The following PCDHAC2 variants were observed in gnomAD, a reference collection of about 807,000 sequenced individuals.
PCDHAC2 encodes protocadherin alpha-C2.
In PCDHAC2, 24 loss-of-function variants were observed where a neutral mutation model predicts 63.3. That is an observed-to-expected ratio of 0.38 (90% CI 0.27 to 0.53). The LOEUF (loss-of-function observed/expected upper bound fraction) is 0.53, where lower values mean the gene tolerates loss of function less well. Among genes scored for constraint, PCDHAC2 ranks in the 20% least tolerant of loss-of-function variants. PCDHAC2 has a pLI of 0.81. For synonymous variants in PCDHAC2, 569 were observed against 529.4 expected (o/e 1.07, Z -1.03); for missense variants, 1,181 against 1,275.2 (o/e 0.93, Z 1.12).
intron 3 of PCDHAC2, among the ~76,000 whole-genome samples, chr5:140,995,258 A>C (rs2097672609): frequency 6.6e-6 from 1 of 152,164 alleles, no homozygotes; most frequent in Non-Finnish European, 1.5e-5. Flanking sequence ...AGGGTACTTG[A>C]ATACAAGCCC....
At chr5:141,000,410 TA>T (rs2097918693) in intron 3 of PCDHAC2, among the ~76,000 whole-genome samples, 2 of 101,940 alleles carry the variant, frequency 2.0e-5, no homozygotes, top group African/African-American at 7.8e-5. Flanking sequence ...TATATATATA[TA>T]TATATATATA....
intron 3 of PCDHAC2, among the ~76,000 whole-genome samples, chr5:140,993,307 A>G (rs1388803376): frequency 6.6e-6 from 1 of 152,056 alleles, no homozygotes; most frequent in Non-Finnish European, 1.5e-5. Flanking sequence ...TGCCTCCAGG[A>G]TAATACCTTC....
At chr5:140,971,510 A>G (rs1166115283) in intron 1 of PCDHAC2, among the ~76,000 whole-genome samples, 3 of 152,152 alleles carry the variant, frequency 2.0e-5, no homozygotes, top group Non-Finnish European at 2.9e-5. Flanking sequence ...TAGGAGCAAA[A>G]GCCACTCAGT....
rs1554228519 is a variant in PCDHAC2 at position 140,966,644 on chromosome 5, GCGTGAGCGGT to G, written c.-122_-113del. 37 of 1,127,012 alleles carry G rather than the reference GCGTGAGCGGT, an allele frequency of 3.3e-5. No homozygotes were observed. The highest frequency in any genetic ancestry group is 4.3e-5 in the Non-Finnish European group (37 of 853,958). 69.8% of individuals were successfully genotyped at this position (1,127,012 alleles called of 1,614,324 possible). A position where few individuals can be genotyped will look rare whatever the true frequency, so the allele number is the denominator to read the frequency against. Reference sequence around the variant, plus strand: ...GGAGCGGCCCCAGGCGCTTTCTAGAGCGTGAGCGGTGGGGGAGCAGGCGCAGGGTGGCACG... The same window carrying G: ...GGAGCGGCCCCAGGCGCTTTCTAGAGGGGGGAGCAGGCGCAGGGTGGCACG... On this transcript the variant is annotated 5_prime_UTR_variant, in exon 1 of 4. Transcript: ENST00000289269.
chr5:141,004,369 C>A (rs1239142670), intron 3 of PCDHAC2, among the ~76,000 whole-genome samples: 1 of 152,206 alleles, frequency 6.6e-6, no homozygotes, highest in Non-Finnish European at 1.5e-5. Flanking sequence ...ACACCTTGTT[C>A]TGCTCTGCGG....
At chr5:140,999,263 A>G (rs566864160) in intron 3 of PCDHAC2, among the ~76,000 whole-genome samples, 3 of 152,346 alleles carry the variant, frequency 2.0e-5, no homozygotes, top group East Asian at 1.9e-4. Context: ...TAGTAAAGGA[A>G]TACTGCATAG....
At position 141,000,188 on chromosome 5, in the gene PCDHAC2, A is replaced by G. The variant is rs182049578; in HGVS notation, c.2714-9439A>G. 8.6e-3 allele frequency among the ~76,000 whole-genome samples: 1,302 copies of G among 151,928 alleles called. 5 individuals carry two copies. Among genetic ancestry groups the G allele is most frequent in the Middle Eastern group, 0.017 (5 of 294 alleles). ...ATTATTGAGCCAAGGAGTCAATGTG[A>G]GAATAGTTTTTCACCTTCATTATCA... is the stretch of plus-strand genomic sequence containing the variant. On this transcript the variant is annotated intron_variant, in intron 3 of 3. Coordinates refer to ENST00000289269, the MANE Select transcript of PCDHAC2 (RefSeq NM_018899.6).
chr5:140,985,941 G>T (rs553776294), intron 3 of PCDHAC2, among the ~76,000 whole-genome samples: 2 of 151,978 alleles, frequency 1.3e-5, no homozygotes, highest in South Asian at 4.1e-4. Flanking sequence ...GGGTTTCACT[G>T]TGTTAGCCAG....
Position 140,967,773 on chromosome 5 carries a change from A to C in PCDHAC2, c.1007A>C (p.Gln336Pro), listed in dbSNP as rs1285230643. 3 of 1,614,108 alleles carry C rather than the reference A, an allele frequency of 1.9e-6. No homozygotes were observed. Among genetic ancestry groups the C allele is most frequent in the Non-Finnish European group, 1.7e-6 (2 of 1,180,054 alleles). Residue 336 changes from glutamine (Q) to proline (P), a missense_variant, in exon 1 of 4, where the codon CAG (glutamine) becomes CCG (proline). Around this residue, in one of 3 missense-constraint regions of PCDHAC2, gnomAD observed 968 missense variants for 1,073.5 expected, o/e 0.90. Coordinates refer to ENST00000289269, the MANE Select transcript of PCDHAC2 (RefSeq NM_018899.6). ...GCCTCCTCCTACCAGATCTATGTGC[A>C]GGCGACTGACCGGGGTCCAGTGCCC... ...EEASSYQIYV[Q>P]ATDRGPVPMA...
chr5:140,978,685 CA>C (rs1426574040), intron 1 of PCDHAC2, among the ~76,000 whole-genome samples: 2 of 152,242 alleles, frequency 1.3e-5, no homozygotes, highest in African/African-American at 2.4e-5. Context: ...ATGTATTGGG[CA>C]AGGCAAAGCC....
intron 3 of PCDHAC2, among the ~76,000 whole-genome samples, chr5:140,985,239 A>C (rs2097143502): frequency 6.6e-6 from 1 of 152,008 alleles, no homozygotes; most frequent in South Asian, 2.1e-4. Flanking sequence ...GCCTGGCCTA[A>C]TCTTCTTACT....
In PCDHAC2 at chr5:141,010,171, A is replaced by G. The variant is rs2098416277; in HGVS notation, c.*234A>G. On this transcript the variant is annotated 3_prime_UTR_variant, in exon 4 of 4. Transcript: ENST00000289269. ...CCACTCTGGCTTGTTTTCAGAACCTAAAAAGCAGACCCAAGTTTCCTTTCT... is the reference window on the plus strand; with the variant it reads ...CCACTCTGGCTTGTTTTCAGAACCTGAAAAGCAGACCCAAGTTTCCTTTCT... The G allele has an allele frequency of 3.2e-6, 5 of 1,559,030 alleles. No individual in the cohort carries two copies. Among genetic ancestry groups the G allele is most frequent in the Non-Finnish European group, 4.3e-6 (5 of 1,150,704 alleles).
At chr5:140,984,453 T>C (rs2097104309) in intron 3 of PCDHAC2, among the ~76,000 whole-genome samples, 1 of 152,254 alleles carries the variant, frequency 6.6e-6, no homozygotes, top group South Asian at 2.1e-4. Flanking sequence ...CCTTTCTTAC[T>C]GTCCCAGCCC....
At position 141,010,067 on chromosome 5, in the gene PCDHAC2, G is replaced by C; in HGVS notation, c.*130G>C. 6.2e-7 allele frequency: 1 copy of C among 1,604,516 alleles called. No homozygotes were observed. The highest frequency in any genetic ancestry group is 1.1e-5 in the South Asian group (1 of 89,502). ...TAGAGACCTCAGAAATCTGCAGAAA[G>C]TTCCCTGTGTCTGTCTAGAACGCAT... On this transcript the variant is annotated 3_prime_UTR_variant, in exon 4 of 4. Coordinates refer to ENST00000289269, the MANE Select transcript of PCDHAC2 (RefSeq NM_018899.6).
chr5:140,988,817 C>T (rs1244038207), intron 3 of PCDHAC2: 8 of 152,028 alleles, frequency 5.3e-5, no homozygotes, highest in Admixed American at 1.3e-4. Context: ...TAACAGTAGC[C>T]CCAAACAGAG....
intron 2 of PCDHAC2, among the ~76,000 whole-genome samples, chr5:140,980,255 C>T (rs782489996): frequency 2.0e-4 from 31 of 152,210 alleles, no homozygotes; most frequent in Middle Eastern, 3.2e-3. Flanking sequence ...TGGGTAAAAG[C>T]ATGGTTTACA....
At chr5:140,998,056 C>T (rs1162882949) in intron 3 of PCDHAC2, among the ~76,000 whole-genome samples, 1 of 152,160 alleles carries the variant, frequency 6.6e-6, no homozygotes, top group Non-Finnish European at 1.5e-5. Context: ...GTGACATCAT[C>T]ATCAACAGAC....
At chr5:140,981,683 T>A (rs1484532280) in intron 2 of PCDHAC2, among the ~76,000 whole-genome samples, 5 of 152,034 alleles carry the variant, frequency 3.3e-5, no homozygotes, top group Non-Finnish European at 5.9e-5. Flanking sequence ...CCTTCCTCCC[T>A]TCCATCATTC....
chr5:141,010,321 G>C lies in PCDHAC2; in HGVS notation c.*384G>C. On this transcript the variant is annotated 3_prime_UTR_variant, in exon 4 of 4. Transcript: ENST00000289269. Reference sequence around the variant, plus strand: ...GGCTGAAAAGTTTTGAGATTGAGCAGCTTGGGAGTTTGTGGCCACTGGGTA... The same window carrying C: ...GGCTGAAAAGTTTTGAGATTGAGCACCTTGGGAGTTTGTGGCCACTGGGTA... 7 of 1,541,244 alleles carry C rather than the reference G, an allele frequency of 4.5e-6. No homozygotes were observed. In the South Asian group the frequency reaches 8.5e-5, roughly 19 times the overall value.
Sources: gnomAD v4.1 joint callset for allele counts (sites outside exome capture counted in the v4.1 genomes callset) on GRCh38, gnomAD v4.1.1 for gene constraint, gnomAD v4.1.1 regional missense constraint, MANE v1.5 for transcripts, NCBI Gene and HGNC (gene_info 2026-07-23, HGNC 2026-07-21) for gene names.